NXPH1: variants seen among roughly 807,000 people sequenced by gnomAD.
NXPH1 encodes neurexophilin-1.
A neutral mutation model predicts 23.7 loss-of-function variants in NXPH1; 5 were observed. The ratio of observed to expected loss-of-function variants is 0.21; its 90% confidence interval spans 0.11 to 0.44. The LOEUF (loss-of-function observed/expected upper bound fraction) is 0.44. Ranked by LOEUF, NXPH1 falls within the 20% of genes least tolerant of loss-of-function variation. The probability of loss-of-function intolerance (pLI) is 0.99; values close to 1 mark genes in which losing one functional copy is unlikely to be tolerated. For synonymous variants in NXPH1, 144 were observed against 122.2 expected, an observed-to-expected ratio of 1.18 and a Z score of -1.18; for missense variants, 324 against 321.6, an observed-to-expected ratio of 1.01 and a Z score of -0.06.
At chr7:8,519,436 C>A (rs1160193945) in intron 2 of NXPH1, among the ~76,000 whole-genome samples, 2 of 152,074 alleles carry the variant, frequency 1.3e-5, no homozygotes, top group Non-Finnish European at 2.9e-5. Context: ...CAGTGTTTCC[C>A]AACATTAAAA....
chr7:8,684,449 A>C (rs1412533471), intron 2 of NXPH1, among the ~76,000 whole-genome samples: 2 of 152,142 alleles, frequency 1.3e-5, no homozygotes, highest in Non-Finnish European at 2.9e-5. Context: ...ATTAATTCTT[A>C]GTCTCCTTCC....
At chr7:8,559,832 T>C (rs569712775) in intron 2 of NXPH1, among the ~76,000 whole-genome samples, 1 of 151,844 alleles carries the variant, frequency 6.6e-6, no homozygotes, top group African/African-American at 2.4e-5. Flanking sequence ...GTCACCAATT[T>C]GGAGTGGGCA....
Position 8,667,772 on chromosome 7 carries a change from C to T in NXPH1, c.55-83236C>T, listed in dbSNP as rs541172470. 2.2e-3 allele frequency among the ~76,000 whole-genome samples: 340 copies of T among 152,150 alleles called. 2 individuals are homozygous for T. Among genetic ancestry groups the T allele is most frequent in the African/African-American group, 7.8e-3 (325 of 41,536 alleles). On this transcript the variant is annotated intron_variant, in intron 2 of 2. Transcript: ENST00000405863. ...GTGATCACTTATTTGCATAAGCTTT[C>T]CACCTCTTTGTCTCTCTCTTCTTCT...
At chr7:8,592,716 G>A (rs1819124839) in intron 2 of NXPH1, among the ~76,000 whole-genome samples, 1 of 151,928 alleles carries the variant, frequency 6.6e-6, no homozygotes, top group Non-Finnish European at 1.5e-5. Context: ...TAGTACAAAA[G>A]CAGCTGTAGA....
chr7:8,696,471 T>G (rs1779512859), intron 2 of NXPH1, among the ~76,000 whole-genome samples: 1 of 152,202 alleles, frequency 6.6e-6, no homozygotes, highest in South Asian at 2.1e-4. Context: ...AGCAAGATAT[T>G]GTGATTGGAA....
intron 2 of NXPH1, among the ~76,000 whole-genome samples, chr7:8,732,394 T>G (rs1228826953): frequency 6.6e-6 from 1 of 152,184 alleles, no homozygotes; most frequent in East Asian, 1.9e-4. Flanking sequence ...CTAGACAGAG[T>G]TGCACTTTGA....
At chr7:8,497,040 T>G (rs1269665345) in intron 2 of NXPH1, among the ~76,000 whole-genome samples, 1 of 152,072 alleles carries the variant, frequency 6.6e-6, no homozygotes, top group Non-Finnish European at 1.5e-5. Context: ...GGCCCTGGTG[T>G]GTGATGTTCC....
intron 2 of NXPH1, among the ~76,000 whole-genome samples, chr7:8,580,766 A>T (rs971551293): frequency 6.6e-6 from 1 of 151,946 alleles, no homozygotes; most frequent in African/African-American, 2.4e-5. Context: ...GAGGGAAAAA[A>T]AGTAGTTTCT....
At chr7:8,536,607 C>CA (rs1554431846) in intron 2 of NXPH1, among the ~76,000 whole-genome samples, 5 of 112,696 alleles carry the variant, frequency 4.4e-5, no homozygotes, top group African/African-American at 1.8e-4. Context: ...CATTGGTAGA[C>CA]TTAAAAAAAG....
chr7:8,499,435 T>C (rs965635799), intron 2 of NXPH1, among the ~76,000 whole-genome samples: 1 of 151,974 alleles, frequency 6.6e-6, no homozygotes. Context: ...ACAGCAGAGA[T>C]CCCAGCTGAG....
intron 2 of NXPH1, among the ~76,000 whole-genome samples, chr7:8,549,967 T>C (rs965930425): frequency 2.0e-5 from 3 of 151,576 alleles, no homozygotes; most frequent in African/African-American, 7.3e-5. Context: ...ACAGTGAGGA[T>C]TGAACCCACA....
chr7:8,694,283 AT>A (rs1821269125), intron 2 of NXPH1, among the ~76,000 whole-genome samples: 2 of 152,218 alleles, frequency 1.3e-5, no homozygotes, highest in South Asian at 4.1e-4. Flanking sequence ...CCCTATGTGC[AT>A]TGGTTGAGTT....
intron 2 of NXPH1, among the ~76,000 whole-genome samples, chr7:8,549,867 C>T (rs749681077): frequency 3.3e-5 from 5 of 151,470 alleles, no homozygotes; most frequent in South Asian, 2.1e-4. Context: ...AGTTTCAGTG[C>T]GTGTTTGTAA....
In NXPH1 at chr7:8,735,126, C is replaced by G. The variant is rs1780226398; in HGVS notation, c.55-15882C>G. 2.0e-5 allele frequency among the ~76,000 whole-genome samples: 3 copies of G among 152,098 alleles called. No homozygotes were observed. The South Asian group carries it at 6.2e-4, about 32-fold the overall frequency. Reference sequence around the variant, plus strand: ...ACTTCCTCTCTTCCTATTTGAATTTCCTTTCTTTCTTTCTCTTGCCTGATT... The same window carrying G: ...ACTTCCTCTCTTCCTATTTGAATTTGCTTTCTTTCTTTCTCTTGCCTGATT... On this transcript the variant is annotated intron_variant, in intron 2 of 2. Transcript: ENST00000405863.
chr7:8,526,155 G>A (rs909670497), intron 2 of NXPH1, among the ~76,000 whole-genome samples: 4 of 152,264 alleles, frequency 2.6e-5, no homozygotes, highest in Admixed American at 6.5e-5. Context: ...ATCAGCGTGA[G>A]CTGGATGTGA....
At chr7:8,586,400 T>G (rs1485338924) in intron 2 of NXPH1, among the ~76,000 whole-genome samples, 1 of 152,050 alleles carries the variant, frequency 6.6e-6, no homozygotes, top group Non-Finnish European at 1.5e-5. Flanking sequence ...AAAGCCCATG[T>G]CATATGAACC....
chr7:8,647,853 T>C (rs1335646647), intron 2 of NXPH1, among the ~76,000 whole-genome samples: 1 of 151,956 alleles, frequency 6.6e-6, no homozygotes, highest in Admixed American at 6.6e-5. Context: ...CATTATCTTA[T>C]CCTAATTTAT....
chr7:8,501,354 A>C (rs1000197840), intron 2 of NXPH1, among the ~76,000 whole-genome samples: 3 of 152,048 alleles, frequency 2.0e-5, no homozygotes, highest in African/African-American at 7.2e-5. Flanking sequence ...GCAAGATATG[A>C]CTACAAATCA....
chr7:8,635,206 G>C lies in NXPH1; in HGVS notation c.55-115802G>C, dbSNP rs575263850. Among the ~76,000 whole-genome samples, 35 of 152,298 alleles carry C rather than the reference G, an allele frequency of 2.3e-4. 1 individual carries two copies. In the South Asian group the frequency reaches 6.8e-3, roughly 30 times the overall value. Reference sequence around the variant, plus strand: ...AGGTAGAGGTAAGCTTGGAGCCCAAGTACTGTGCATAATTCTTCAAAGGTT... The same window carrying C: ...AGGTAGAGGTAAGCTTGGAGCCCAACTACTGTGCATAATTCTTCAAAGGTT... On this transcript the variant is annotated intron_variant, in intron 2 of 2. Coordinates refer to ENST00000405863, the MANE Select transcript of NXPH1 (RefSeq NM_152745.3).
Sources: gnomAD v4.1 joint callset for allele counts (sites outside exome capture counted in the v4.1 genomes callset) on GRCh38, gnomAD v4.1.1 for gene constraint, MANE v1.5 for transcripts, NCBI Gene and HGNC (gene_info 2026-07-23, HGNC 2026-07-21) for gene names.